Variants in DHX57 observed in about 807,000 individuals in gnomAD.
DHX57 encodes the protein putative ATP-dependent RNA helicase DHX57.
A neutral mutation model predicts 156.2 loss-of-function variants in DHX57; 105 were observed. The ratio of observed to expected loss-of-function variants is 0.67; its 90% CI spans 0.57 to 0.79. The LOEUF (loss-of-function observed/expected upper bound fraction) is 0.79, where lower values mean the gene tolerates loss of function less well. Among genes scored for constraint, DHX57 ranks in the 30% least tolerant of loss-of-function variants. The pLI, the probability that DHX57 is intolerant of heterozygous loss-of-function variation, is 0.00. For synonymous variants in DHX57, 704 were observed against 595.6 expected (o/e 1.18, Z -2.65); for missense variants, 1,847 against 1,661.9 (o/e 1.11, Z -1.94).
chr2:38,872,088 C>T (rs566922182), intron 1 of DHX57, among the ~76,000 whole-genome samples: 140 of 152,280 alleles, frequency 9.2e-4, no homozygotes, highest in Non-Finnish European at 1.6e-3. Context: ...CCCTCATGAT[C>T]GAATTACCTG....
chr2:38,832,979 T>C (rs1671458545), intron 13 of DHX57, among the ~76,000 whole-genome samples: 1 of 151,180 alleles, frequency 6.6e-6, no homozygotes, highest in Non-Finnish European at 1.5e-5. Flanking sequence ...GAAATGTCTA[T>C]TCTTTTTTTT....
intron 2 of DHX57, among the ~76,000 whole-genome samples, chr2:38,864,037 A>G (rs1664917115): frequency 6.6e-6 from 1 of 151,834 alleles, no homozygotes; most frequent in African/African-American, 2.4e-5. Context: ...ACAAAACTTA[A>G]CAGATTCTTA....
At chr2:38,822,083 A>G (rs866364107) in intron 17 of DHX57, among the ~76,000 whole-genome samples, 11 of 152,156 alleles carry the variant, frequency 7.2e-5, no homozygotes, top group African/African-American at 2.4e-4. Flanking sequence ...CTAAACATTT[A>G]ATGATAATTT....
At chr2:38,840,444 A>ATG in intron 12 of DHX57, among the ~76,000 whole-genome samples, 1 of 151,100 alleles carries the variant, frequency 6.6e-6, no homozygotes, top group Non-Finnish European at 1.5e-5. Flanking sequence ...GCAGTGGTGC[A>ATG]ATCTGGGCTC....
intron 11 of DHX57, among the ~76,000 whole-genome samples, chr2:38,845,076 A>G (rs1672197904): frequency 6.6e-6 from 1 of 152,150 alleles, no homozygotes; most frequent in Non-Finnish European, 1.5e-5. Context: ...ACACATCTGT[A>G]GTCCCAGCTA....
chr2:38,871,874 G>A (rs994412068), intron 1 of DHX57, among the ~76,000 whole-genome samples: 1 of 151,856 alleles, frequency 6.6e-6, no homozygotes, highest in African/African-American at 2.4e-5. Context: ...CTAAGTTTTT[G>A]TTTTTTTGTA....
chr2:38,846,091 C>T (rs972038198), intron 11 of DHX57, among the ~76,000 whole-genome samples: 47 of 152,154 alleles, frequency 3.1e-4, no homozygotes, highest in African/African-American at 9.4e-4. Flanking sequence ...GTCTTGAACT[C>T]CCGCCCTCAG....
chr2:38,812,563 C>T (rs1196723378), intron 21 of DHX57, among the ~76,000 whole-genome samples: 4 of 152,162 alleles, frequency 2.6e-5, no homozygotes, highest in East Asian at 1.9e-4. Context: ...GACGGAGTTT[C>T]GCTCTAGTCG....
chr2:38,798,220 G>T lies in DHX57; in HGVS notation c.*79C>A. The T allele has an allele frequency of 6.5e-7, 1 of 1,538,754 alleles. No homozygotes were observed. The highest frequency in any genetic ancestry group is 8.7e-7 in the Non-Finnish European group (1 of 1,145,942). On this transcript the variant is annotated 3_prime_UTR_variant, in exon 24 of 24. Coordinates refer to ENST00000457308, the MANE Select transcript of DHX57 (RefSeq NM_198963.3). ...CAGGGCCAGCCCCAATAGGTCTTTA[G>T]TTCGAGGTAGAGGTTCTGCTGTTAT... is the stretch of plus-strand genomic sequence containing the variant.
At chr2:38,832,544 TATA>T (rs1019676250) in intron 13 of DHX57, among the ~76,000 whole-genome samples, 33 of 25,126 alleles carry the variant, frequency 1.3e-3, no homozygotes, top group Non-Finnish European at 6.3e-3. Context: ...TATATATATA[TATA>T]TATATTTTTT....
intron 13 of DHX57, 80 bp downstream of exon 13, chr2:38,837,751 A>T (rs956460742): frequency 2.4e-6 from 2 of 824,726 alleles, no homozygotes; most frequent in African/African-American, 3.4e-5. Flanking sequence ...ATGTAATTCA[A>T]GCACTCATGA....
Position 38,861,822 on chromosome 2 carries a change from A to C in DHX57, c.588T>G (p.Thr196=), listed in dbSNP as rs773064142. 2 of 1,607,994 alleles carry C rather than the reference A, an allele frequency of 1.2e-6. No individual in the cohort carries two copies. The highest frequency in any genetic ancestry group is 1.7e-6 in the Non-Finnish European group (2 of 1,176,938). The part of the protein sequence containing the change: ...VQKLSRYGFN[T]ERCQAVLRMC... ...TCCTCAGGACCGCTTGACAGCGTTC[A>C]GTATTGAAACCATACCTGTCAAGGG... Residue 196 remains threonine (T), a synonymous_variant, in exon 5 of 24, where the codon ACT becomes ACG. Transcript: ENST00000457308.
At chr2:38,839,657 G>C (rs1029228429) in intron 12 of DHX57, among the ~76,000 whole-genome samples, 13 of 151,618 alleles carry the variant, frequency 8.6e-5, no homozygotes, top group African/African-American at 2.9e-4. Flanking sequence ...GGAGGCGGAG[G>C]TTGTGGTAAG....
At chr2:38,803,589 G>A (rs908020198) in intron 22 of DHX57, among the ~76,000 whole-genome samples, 4 of 151,546 alleles carry the variant, frequency 2.6e-5, no homozygotes, top group Admixed American at 6.6e-5. Context: ...CTAGGTTCAA[G>A]TGATTCTCCT....
chr2:38,848,236 A>C (rs747004610), intron 10 of DHX57, 33 bp downstream of exon 10: 9 of 1,549,140 alleles, frequency 5.8e-6, no homozygotes, highest in Non-Finnish European at 7.8e-6. Context: ...TGCTTATTAG[A>C]ATGATACATA....
chr2:38,875,534 C>A (rs924872802), intron 1 of DHX57, among the ~76,000 whole-genome samples: 1 of 152,228 alleles, frequency 6.6e-6, no homozygotes, highest in Non-Finnish European at 1.5e-5. Context: ...CCCGCCCCCC[C>A]CGGCCCCAAC....
chr2:38,855,667 A>C (rs1672860865), intron 7 of DHX57, among the ~76,000 whole-genome samples: 1 of 152,234 alleles, frequency 6.6e-6, no homozygotes, highest in African/African-American at 2.4e-5. Flanking sequence ...TTATTACCAT[A>C]TCACTGAGTC....
At position 38,858,793 on chromosome 2, in the gene DHX57, A is replaced by G; in HGVS notation, c.1455T>C (p.Gly485=). ...CATTCTCTACTATAACAGGTGCAGG[A>G]CCGTCATCCTCATCTGACTCCTCAG... The part of the protein sequence containing the change: ...SESEESDEDD[G]PAPVIVENES... Residue 485 remains glycine (G), a synonymous_variant, in exon 6 of 24, where the codon GGT becomes GGC. Coordinates refer to ENST00000457308, the MANE Select transcript of DHX57 (RefSeq NM_198963.3). 6.2e-7 allele frequency: 1 copy of G among 1,613,518 alleles called. No homozygotes were observed. The highest frequency in any genetic ancestry group is 1.1e-5 in the South Asian group (1 of 90,820).
chr2:38,863,253 G>T, intron 3 of DHX57, 108 bp downstream of exon 3: 1 of 1,159,648 alleles, frequency 8.6e-7, no homozygotes. Context: ...CTAATTAAAT[G>T]GCCACAATAG....
Sources: gnomAD v4.1 joint callset for allele counts (sites outside exome capture counted in the v4.1 genomes callset) on GRCh38, gnomAD v4.1.1 for gene constraint, MANE v1.5 for transcripts, NCBI Gene and HGNC (gene_info 2026-07-23, HGNC 2026-07-21) for gene names.